The following ZNF221 variants were observed in gnomAD, a reference collection of about 807,000 sequenced individuals.
ZNF221 encodes the protein zinc finger protein 221.
In ZNF221, 10 loss-of-function variants were observed where a neutral mutation model predicts 12.6. The observed-to-expected ratio is 0.79, with a 90% confidence interval of 0.49 to 1.34. ZNF221 has a LOEUF of 1.34. Ranked by LOEUF, ZNF221 falls within the 40% of genes most tolerant of loss-of-function variation. The pLI, the probability that ZNF221 is intolerant of heterozygous loss-of-function variation, is 0.00. For synonymous variants in ZNF221, 232 were observed against 244.0 expected (o/e 0.95, Z 0.46); for missense variants, 661 against 721.4 (o/e 0.92, Z 0.96).
intron 1 of ZNF221, among the ~76,000 whole-genome samples, chr19:43,953,667 A>G (rs1210118838): frequency 6.6e-6 from 1 of 152,166 alleles, no homozygotes; most frequent in Non-Finnish European, 1.5e-5. Flanking sequence ...TATACAAAAG[A>G]TCAATTTGGA....
At chr19:43,952,583 T>C (rs958868168) in intron 1 of ZNF221, among the ~76,000 whole-genome samples, 2 of 151,798 alleles carry the variant, frequency 1.3e-5, no homozygotes, top group African/African-American at 2.4e-5. Context: ...GGAGCAGGAG[T>C]TATTTGCCCA....
In ZNF221 at chr19:43,963,096, T is replaced by C. The variant is rs141313092; in HGVS notation, c.81+289T>C. On this transcript the variant is annotated intron_variant, in intron 2 of 4. Coordinates refer to ENST00000587682, the MANE Select transcript of ZNF221 (RefSeq NM_001297588.2). ...TGTTTTTATCTTGTATTCTTCATCA[T>C]GTACATTCATAACTGTATTTTTATT... Among the ~76,000 whole-genome samples, 1,169 of 152,348 alleles carry C rather than the reference T, an allele frequency of 7.7e-3. 17 individuals are homozygous for C. Among genetic ancestry groups the C allele is most frequent in the African/African-American group, 0.026 (1,087 of 41,576 alleles).
At chr19:43,969,334 C>CTTTTTTT (rs60512580), downstream of ZNF221, among the ~76,000 whole-genome samples, 1 of 57,998 alleles carries the variant, frequency 1.7e-5, no homozygotes, top group African/African-American at 7.3e-5. Flanking sequence ...CAGACTGCTG[C>CTTTTTTT]TTTTTTTTTT....
chr19:43,964,205 A>G (rs1331833287), intron 2 of ZNF221, among the ~76,000 whole-genome samples: 1 of 152,228 alleles, frequency 6.6e-6, no homozygotes, highest in Non-Finnish European at 1.5e-5. Flanking sequence ...TTTATTAAAT[A>G]CTTAGTCTTT....
Position 43,967,401 on chromosome 19 carries a change from T to C in ZNF221, c.*45T>C. The C allele has an allele frequency of 1.4e-6, 2 of 1,436,330 alleles. No individual in the cohort carries two copies. Among genetic ancestry groups the C allele is most frequent in the Non-Finnish European group, 1.9e-6 (2 of 1,041,368 alleles). 89.0% of individuals were successfully genotyped at this position (1,436,330 alleles called of 1,614,324 possible). A position where few individuals can be genotyped will look rare whatever the true frequency, so the allele number is the denominator to read the frequency against. Reference sequence around the variant, plus strand: ...GGCTTTGGCTGGGCCTCAACTCATCTGACCCATCAATTCTCCACAGCAGAG... The same window carrying C: ...GGCTTTGGCTGGGCCTCAACTCATCCGACCCATCAATTCTCCACAGCAGAG... On this transcript the variant is annotated 3_prime_UTR_variant, in exon 5 of 5. Coordinates refer to ENST00000587682, the MANE Select transcript of ZNF221 (RefSeq NM_001297588.2).
At chr19:43,963,845 G>A (rs1974891861) in intron 2 of ZNF221, among the ~76,000 whole-genome samples, 1 of 152,144 alleles carries the variant, frequency 6.6e-6, no homozygotes, top group African/African-American at 2.4e-5. Flanking sequence ...GAAACCATGG[G>A]AATATTTACA....
intron 1 of ZNF221, among the ~76,000 whole-genome samples, chr19:43,953,150 C>T (rs1449515572): frequency 5.3e-5 from 8 of 151,922 alleles, no homozygotes; most frequent in African/African-American, 1.2e-4. Flanking sequence ...GAGTTTTCAC[C>T]GTGTTGGCCA....
chr19:43,977,070 C>T, the ZNF221 span: 5 of 152,146 alleles, frequency 3.3e-5, no homozygotes, highest in African/African-American at 1.2e-4. Context: ...AAGAGAAGAG[C>T]ATAATGTATG....
At chr19:43,979,877 T>C in the ZNF221 span, among the ~76,000 whole-genome samples, 96 of 152,330 alleles carry the variant, frequency 6.3e-4, no homozygotes, top group Admixed American at 1.9e-3. Context: ...TTAAAGGCAC[T>C]ATTGACTTTA....
the ZNF221 span, among the ~76,000 whole-genome samples, chr19:43,980,410 T>C: frequency 1.3e-5 from 2 of 152,202 alleles, no homozygotes. Flanking sequence ...GCTGGTACGT[T>C]GCAGAGTGCT....
At chr19:43,962,397 A>G (rs1974860180) in intron 1 of ZNF221, among the ~76,000 whole-genome samples, 1 of 152,188 alleles carries the variant, frequency 6.6e-6, no homozygotes, top group Non-Finnish European at 1.5e-5. Context: ...TATTCTGGAT[A>G]TTTTATAAAA....
chr19:43,973,401 G>A, the ZNF221 span, among the ~76,000 whole-genome samples: 1 of 152,084 alleles, frequency 6.6e-6, no homozygotes, highest in Non-Finnish European at 1.5e-5. Flanking sequence ...GGAAGTTCTG[G>A]CCAGTCAAGT....
At chr19:43,973,447 A>C in the ZNF221 span, among the ~76,000 whole-genome samples, 15,729 of 152,178 alleles carry the variant, frequency 0.1, 902 homozygotes, top group East Asian at 0.14. Context: ...ATTCAAATAG[A>C]GAGGAAGTCA....
At chr19:43,959,228 A>G (rs1226473317) in intron 1 of ZNF221, among the ~76,000 whole-genome samples, 2 of 152,164 alleles carry the variant, frequency 1.3e-5, no homozygotes, top group East Asian at 1.9e-4. Flanking sequence ...CACACTGTAC[A>G]CTGTAGTTTC....
At position 43,966,463 on chromosome 19, in the gene ZNF221, G is replaced by A. The variant is rs1974960012; in HGVS notation, c.961G>A (p.Val321Ile). 3 of 1,614,058 alleles carry A rather than the reference G, an allele frequency of 1.9e-6. No homozygotes were observed. The highest frequency in any genetic ancestry group is 1.3e-5 in the African/African-American group (1 of 74,946). ...KCDICGKSFRVRSRLNRHSMV... is the reference protein window; with the variant it reads ...KCDICGKSFRIRSRLNRHSMV... ...TGATATATGTGGTAAGAGCTTCCGT[G>A]TTAGATCAAGACTTAATAGGCATTC... Residue 321 changes from valine (V) to isoleucine (I), a missense_variant, in exon 5 of 5, where the codon GTT becomes ATT. By Grantham distance (29) the Val-to-Ile change is conservative. Transcript: ENST00000587682.
At chr19:43,968,822 T>G (rs987221810), downstream of ZNF221, among the ~76,000 whole-genome samples, 1 of 152,166 alleles carries the variant, frequency 6.6e-6, no homozygotes, top group South Asian at 2.1e-4. Context: ...AGTGAGTGAT[T>G]GTGCGACCCT....
At chr19:43,969,682 TCCTC>T (rs2147349157), downstream of ZNF221, among the ~76,000 whole-genome samples, 1 of 152,266 alleles carries the variant, frequency 6.6e-6, no homozygotes, top group Non-Finnish European at 1.5e-5. Context: ...CCTGATCCAT[TCCTC>T]CCCACTGTGT....
chr19:43,969,378 T>C (rs1292290238), downstream of ZNF221, among the ~76,000 whole-genome samples: 8 of 141,746 alleles, frequency 5.6e-5, no homozygotes, highest in East Asian at 2.1e-4. Context: ...AGATGGAGTC[T>C]CACTCTGTTG....
intron 1 of ZNF221, among the ~76,000 whole-genome samples, chr19:43,952,115 C>T (rs1195648397): frequency 6.6e-6 from 1 of 151,692 alleles, no homozygotes; most frequent in Non-Finnish European, 1.5e-5. Context: ...CCTCGTGATC[C>T]GCCCGCCTCG....
Sources: allele counts gnomAD v4.1 joint callset (sites outside exome capture counted in the v4.1 genomes callset), GRCh38; gene constraint gnomAD v4.1.1; transcripts MANE v1.5; gene names NCBI Gene and HGNC (gene_info 2026-07-23, HGNC 2026-07-21).